CNDP1: variants seen among roughly 807,000 people sequenced by gnomAD.
CNDP1 encodes the protein beta-Ala-His dipeptidase.
A neutral mutation model predicts 58.1 loss-of-function variants in CNDP1; 44 were observed. The observed-to-expected ratio is 0.76, with a 90% CI of 0.60 to 0.97. The LOEUF (loss-of-function observed/expected upper bound fraction) is 0.97. CNDP1 is among the 50% of genes least tolerant of loss of function. The pLI, the probability that CNDP1 is intolerant of heterozygous loss-of-function variation, is 0.00. For missense variants in CNDP1, 616 were observed against 655.1 expected, an observed-to-expected ratio of 0.94 and a Z score of 0.65; for synonymous variants, 254 against 252.6, an observed-to-expected ratio of 1.01 and a Z score of -0.05.
intron 1 of CNDP1, among the ~76,000 whole-genome samples, chr18:74,550,748 TTTTTTTG>T (rs1214779517): frequency 4.3e-4 from 65 of 151,128 alleles, no homozygotes; most frequent in Admixed American, 7.9e-4. Context: ...GACTATTTTT[TTTTTTTG>T]TTTTTTGTTT....
chr18:74,543,627 CT>C (rs1420709865), intron 1 of CNDP1, among the ~76,000 whole-genome samples: 1 of 152,086 alleles, frequency 6.6e-6, no homozygotes, highest in Non-Finnish European at 1.5e-5. Context: ...AAATTCTAGA[CT>C]GGGCACAGTC....
chr18:74,565,627 G>T (rs569781481), intron 5 of CNDP1, among the ~76,000 whole-genome samples: 121 of 152,354 alleles, frequency 7.9e-4, no homozygotes, highest in African/African-American at 2.6e-3. Context: ...CTCATGTCCA[G>T]GTTACACTGA....
intron 9 of CNDP1, among the ~76,000 whole-genome samples, chr18:74,578,952 A>G (rs1981704302): frequency 1.3e-5 from 2 of 152,208 alleles, no homozygotes; most frequent in Non-Finnish European, 2.9e-5. Flanking sequence ...AGTTAGTTTA[A>G]CAGAAAGTAG....
intron 5 of CNDP1, among the ~76,000 whole-genome samples, chr18:74,563,119 G>A (rs1169318994): frequency 6.6e-6 from 1 of 152,166 alleles, no homozygotes; most frequent in African/African-American, 2.4e-5. Context: ...TTCATCAGGT[G>A]CCAGGGGCTT....
At position 74,567,307 on chromosome 18, in the gene CNDP1, G is replaced by A; in HGVS notation, c.630G>A (p.Val210=). 1 of 1,614,104 alleles carries A rather than the reference G, an allele frequency of 6.2e-7. No individual in the cohort carries two copies. Among genetic ancestry groups the A allele is most frequent in the Non-Finnish European group, 8.5e-7 (1 of 1,179,982 alleles). Residue 210 remains valine (V), a synonymous_variant, in exon 6 of 12, where the codon GTG becomes GTA. Transcript: ENST00000358821. ...EAGSVALEEL[V]EKEKDRFFSG... is the part of the protein sequence containing the mutation. ...GCTCTGTTGCCCTGGAGGAACTTGT[G>A]GAAAAAGAAAAGGACCGATTCTTCT... is the stretch of plus-strand genomic sequence containing the variant.
intron 1 of CNDP1, among the ~76,000 whole-genome samples, chr18:74,546,696 A>T (rs1467482946): frequency 6.6e-6 from 1 of 152,058 alleles, no homozygotes; most frequent in Non-Finnish European, 1.5e-5. Flanking sequence ...CGTGACTGGC[A>T]CTCAATTCCT....
At chr18:74,566,873 G>C (rs1981341615) in intron 5 of CNDP1, among the ~76,000 whole-genome samples, 1 of 152,156 alleles carries the variant, frequency 6.6e-6, no homozygotes, top group African/African-American at 2.4e-5. Flanking sequence ...TTTTCATGCT[G>C]TTGATAAAGA....
chr18:74,554,976 G>C lies in CNDP1; in HGVS notation c.25-1362G>C, dbSNP rs534892865. On this transcript the variant is annotated intron_variant, in intron 1 of 11. Coordinates refer to ENST00000358821, the MANE Select transcript of CNDP1 (RefSeq NM_032649.6). ...CGGCGGGGCCACACCCATGATGAGC[G>C]TCCTCTCAAGGATGCTCTTGAGCAC... 1.2e-4 allele frequency among the ~76,000 whole-genome samples: 18 copies of C among 151,966 alleles called. 1 individual carries two copies. The highest frequency in any genetic ancestry group is 4.1e-4 in the African/African-American group (17 of 41,438).
Position 74,560,839 on chromosome 18 carries a change from T to G in CNDP1, c.304-17T>G, listed in dbSNP as rs779064379. 8.7e-6 allele frequency: 14 copies of G among 1,606,774 alleles called. No homozygotes were observed. The highest frequency in any genetic ancestry group is 1.2e-5 in the Non-Finnish European group (14 of 1,173,804). On this transcript the variant is annotated splice_polypyrimidine_tract_variant and intron_variant, in intron 3 of 11. Transcript: ENST00000358821. ...AACACAGCATTTTTGAAAATGTGAT[T>G]CCTGATCATTCTGCAGCTGCCCGAT...
intron 6 of CNDP1, among the ~76,000 whole-genome samples, chr18:74,570,220 A>AATAATC (rs1981441795): frequency 8.4e-6 from 1 of 118,452 alleles, no homozygotes; most frequent in Non-Finnish European, 1.7e-5. Context: ...AATAATAATT[A>AATAATC]ATAATAATAA....
At chr18:74,550,960 TAC>T (rs1277453968) in intron 1 of CNDP1, among the ~76,000 whole-genome samples, 1 of 152,156 alleles carries the variant, frequency 6.6e-6, no homozygotes, top group African/African-American at 2.4e-5. Context: ...GACAGAATGA[TAC>T]AGTTTGGATA....
chr18:74,546,687 G>A (rs1014615516), intron 1 of CNDP1, among the ~76,000 whole-genome samples: 2 of 152,162 alleles, frequency 1.3e-5, no homozygotes, highest in African/African-American at 2.4e-5. Flanking sequence ...CACCCACCCC[G>A]TGACTGGCAC....
chr18:74,552,927 C>T (rs1211188986), intron 1 of CNDP1, among the ~76,000 whole-genome samples: 3 of 152,186 alleles, frequency 2.0e-5, no homozygotes, highest in Non-Finnish European at 4.4e-5. Context: ...AATTTCTCTA[C>T]ATCTTTGTCA....
intron 6 of CNDP1, among the ~76,000 whole-genome samples, chr18:74,570,240 A>AG (rs1981443918): frequency 1.4e-5 from 1 of 71,752 alleles, no homozygotes; most frequent in Non-Finnish European, 2.6e-5. Flanking sequence ...ATAATAAATA[A>AG]TTAAAAAAAA....
At chr18:74,561,316 C>G (rs1205745301) in intron 4 of CNDP1, 1 of 241,856 alleles carries the variant, frequency 4.1e-6, no homozygotes, top group African/African-American at 2.2e-5. Context: ...CTTGGGAGAC[C>G]AAGGCAGAAT....
chr18:74,536,382 C>G (rs1980486975), intron 1 of CNDP1, among the ~76,000 whole-genome samples: 1 of 152,220 alleles, frequency 6.6e-6, no homozygotes, highest in Admixed American at 6.5e-5. Context: ...CAAATGAGAA[C>G]ATGCAGTGTC....
intron 7 of CNDP1, among the ~76,000 whole-genome samples, chr18:74,573,240 C>T (rs1359736339): frequency 1.3e-5 from 2 of 151,782 alleles, no homozygotes; most frequent in East Asian, 3.9e-4. Flanking sequence ...ATCCAACTAT[C>T]TGTCTATCCA....
At chr18:74,539,696 G>C (rs1980569757) in intron 1 of CNDP1, among the ~76,000 whole-genome samples, 1 of 152,206 alleles carries the variant, frequency 6.6e-6, no homozygotes, top group South Asian at 2.1e-4. Context: ...GTTGGCCCAG[G>C]ACACTGCCTG....
At chr18:74,567,564 G>A (rs1189097191) in intron 6 of CNDP1, 131 bp downstream of exon 6, 1 of 778,468 alleles carries the variant, frequency 1.3e-6, no homozygotes, top group Non-Finnish European at 2.1e-6. Flanking sequence ...GGGACACACG[G>A]CCTCAGGGGA....
Sources: allele counts gnomAD v4.1 joint callset (sites outside exome capture counted in the v4.1 genomes callset), GRCh38; gene constraint gnomAD v4.1.1; transcripts MANE v1.5; gene names NCBI Gene and HGNC (gene_info 2026-07-23, HGNC 2026-07-21).